Variants in PLBD1 observed in about 807,000 individuals in gnomAD.
The protein encoded by PLBD1 is lysosomal leucine aminopeptidase.
PLBD1 carries 60 observed loss-of-function variants against 63.0 expected under a neutral mutation model. The observed-to-expected ratio is 0.95, with a 90% CI of 0.77 to 1.18. PLBD1 has a LOEUF of 1.18. PLBD1 is among the 50% of genes most tolerant of loss of function. The pLI, the probability that PLBD1 is intolerant of heterozygous loss-of-function variation, is 0.00. For synonymous variants in PLBD1, 262 were observed against 248.0 expected (o/e 1.06, Z -0.53); for missense variants, 598 against 677.9 (o/e 0.88, Z 1.31).
chr12:14,520,988 G>A (rs73060631), intron 6 of PLBD1, among the ~76,000 whole-genome samples: 1,706 of 152,232 alleles, frequency 0.011, 18 homozygotes, highest in South Asian at 0.03. Flanking sequence ...TGAGACCGGT[G>A]CCACTACTAT....
chr12:14,512,839 C>A (rs1316545073), intron 6 of PLBD1, among the ~76,000 whole-genome samples: 1 of 152,186 alleles, frequency 6.6e-6, no homozygotes, highest in East Asian at 1.9e-4. Context: ...TAGCTAGCCC[C>A]TTCCACTATG....
At chr12:14,540,643 T>C in intron 4 of PLBD1, 121 bp downstream of exon 4, 1 of 1,112,452 alleles carries the variant, frequency 9.0e-7, no homozygotes, top group Non-Finnish European at 1.2e-6. Context: ...TTCTTTTCCG[T>C]AAGGAATTTA....
At chr12:14,561,769 T>C (rs543239787) in intron 1 of PLBD1, among the ~76,000 whole-genome samples, 21 of 152,184 alleles carry the variant, frequency 1.4e-4, no homozygotes, top group Non-Finnish European at 2.4e-4. Flanking sequence ...TTGGTCAGGC[T>C]GGTCTCGAAC....
intron 8 of PLBD1, among the ~76,000 whole-genome samples, chr12:14,507,829 C>T (rs1269373458): frequency 6.6e-6 from 1 of 152,194 alleles, no homozygotes; most frequent in African/African-American, 2.4e-5. Flanking sequence ...CTACTAGTCA[C>T]TGAGCACCAA....
At chr12:14,546,317 C>CAA (rs1330770189) in intron 2 of PLBD1, among the ~76,000 whole-genome samples, 1 of 88,758 alleles carries the variant, frequency 1.1e-5, no homozygotes, top group Non-Finnish European at 2.4e-5. Flanking sequence ...GATTCTGTCT[C>CAA]AAAAAAAAAA....
chr12:14,546,296 CA>C (rs1197385009), intron 2 of PLBD1, among the ~76,000 whole-genome samples: 1 of 138,540 alleles, frequency 7.2e-6, no homozygotes. Flanking sequence ...CCAGCCTGAG[CA>C]ACAGAGCAAG....
At chr12:14,523,496 A>ACCTC (rs964374252) in intron 6 of PLBD1, among the ~76,000 whole-genome samples, 1 of 152,174 alleles carries the variant, frequency 6.6e-6, no homozygotes, top group Non-Finnish European at 1.5e-5. Context: ...TGTGTATGGA[A>ACCTC]CCTCAAAAGA....
intron 4 of PLBD1, among the ~76,000 whole-genome samples, chr12:14,537,462 T>C (rs1050591521): frequency 7.2e-5 from 11 of 152,342 alleles, no homozygotes; most frequent in Non-Finnish European, 1.5e-4. Context: ...CCAAGTGTCC[T>C]CTGGAGAGAA....
chr12:14,554,594 C>T (rs1318829419), intron 1 of PLBD1, among the ~76,000 whole-genome samples: 2 of 152,036 alleles, frequency 1.3e-5, no homozygotes, highest in Non-Finnish European at 2.9e-5. Context: ...AAGAGGAATG[C>T]ACTCACACCC....
chr12:14,536,008 G>C, intron 5 of PLBD1: 1 of 512,106 alleles, frequency 2.0e-6, no homozygotes, highest in Non-Finnish European at 3.3e-6. Context: ...CAAAATGGAA[G>C]ACTCCAGCTG....
chr12:14,525,634 C>T (rs1408986753), intron 6 of PLBD1, among the ~76,000 whole-genome samples: 1 of 151,592 alleles, frequency 6.6e-6, no homozygotes, highest in Non-Finnish European at 1.5e-5. Flanking sequence ...AATCTAAATG[C>T]AGAAAAAAAT....
chr12:14,505,106 C>CTTT (rs57466061), intron 10 of PLBD1, among the ~76,000 whole-genome samples: 8 of 140,542 alleles, frequency 5.7e-5, no homozygotes, highest in East Asian at 2.1e-4. Flanking sequence ...CTACGTCTAC[C>CTTT]TTTTTTTTTT....
In PLBD1 at chr12:14,506,186, A is replaced by T; in HGVS notation, c.1455T>A (p.Ser485Arg). ...CCTTTGTGTCATAACAACCTCCAGG[A>T]CTTGGGTTAGGTGAGTTCAGGTCCT... is the stretch of plus-strand genomic sequence containing the variant. ...CREDLNSPNP[S>R]PGGCYDTKVA... The change falls in exon 10 of 11, where the codon AGT (serine) becomes AGA (arginine). Residue 485 changes from serine to arginine, a missense_variant. Ser to Arg is a moderately radical substitution (Grantham distance 110). Coordinates refer to ENST00000240617, the MANE Select transcript of PLBD1 (RefSeq NM_024829.6). 6.2e-7 allele frequency: 1 copy of T among 1,611,020 alleles called. No homozygotes were observed. Among genetic ancestry groups the T allele is most frequent in the Non-Finnish European group, 8.5e-7 (1 of 1,177,896 alleles).
intron 6 of PLBD1, among the ~76,000 whole-genome samples, chr12:14,514,459 G>A (rs1334666409): frequency 1.3e-5 from 2 of 152,178 alleles, no homozygotes; most frequent in African/African-American, 2.4e-5. Flanking sequence ...TTTAATATGT[G>A]TAGGTGATTG....
At chr12:14,505,717 A>C (rs1389341790) in intron 10 of PLBD1, among the ~76,000 whole-genome samples, 1 of 152,250 alleles carries the variant, frequency 6.6e-6, no homozygotes, top group African/African-American at 2.4e-5. Context: ...TCCTTCAGCT[A>C]AATTTGACTC....
At chr12:14,531,689 G>T (rs1945463417) in intron 6 of PLBD1, among the ~76,000 whole-genome samples, 2 of 152,134 alleles carry the variant, frequency 1.3e-5, no homozygotes, top group Non-Finnish European at 1.5e-5. Flanking sequence ...GAAGTGCAGT[G>T]GTGCTATCTC....
chr12:14,562,990 A>T (rs1381477786), intron 1 of PLBD1, among the ~76,000 whole-genome samples: 1 of 152,232 alleles, frequency 6.6e-6, no homozygotes, highest in East Asian at 1.9e-4. Flanking sequence ...TATAAAAATA[A>T]GCCACCATGA....
chr12:14,537,460 C>T (rs1190579533), intron 4 of PLBD1, among the ~76,000 whole-genome samples: 1 of 152,216 alleles, frequency 6.6e-6, no homozygotes, highest in Admixed American at 6.5e-5. Context: ...TGCCAAGTGT[C>T]CTCTGGAGAG....
chr12:14,526,585 T>C (rs1172167404), intron 6 of PLBD1, among the ~76,000 whole-genome samples: 1 of 152,234 alleles, frequency 6.6e-6, no homozygotes, highest in Admixed American at 6.5e-5. Flanking sequence ...ACCAGTATAC[T>C]GTATGTATGC....
Sources: allele counts gnomAD v4.1 joint callset (sites outside exome capture counted in the v4.1 genomes callset), GRCh38; gene constraint gnomAD v4.1.1; transcripts MANE v1.5; gene names NCBI Gene and HGNC (gene_info 2026-07-23, HGNC 2026-07-21).